The following APLP2 variants were observed in gnomAD, a reference collection of about 807,000 sequenced individuals.
APLP2 encodes the protein amyloid beta precursor like protein 2, also known as CDEI box-binding protein.
Under a neutral mutation model 89.9 loss-of-function variants are expected in APLP2, and 53 were observed. That is an observed-to-expected ratio of 0.59 (90% confidence interval 0.47 to 0.74). The LOEUF (loss-of-function observed/expected upper bound fraction) is 0.74, where lower values mean the gene tolerates loss of function less well. APLP2 is among the 30% of genes least tolerant of loss of function. The pLI is 0.00. For synonymous variants in APLP2, 372 were observed against 348.6 expected, an observed-to-expected ratio of 1.07 and a Z score of -0.75; for missense variants, 973 against 975.9, an observed-to-expected ratio of 1.00 and a Z score of 0.04.
chr11:130,120,895 C>T, intron 4 of APLP2, 77 bp downstream of exon 4: 5 of 1,007,462 alleles, frequency 5.0e-6, no homozygotes, highest in Admixed American at 1.8e-5. Flanking sequence ...CAAATCTCAC[C>T]ATGCTTTTAA....
At chr11:130,106,430 G>T (rs185797872) in intron 1 of APLP2, among the ~76,000 whole-genome samples, 4 of 152,250 alleles carry the variant, frequency 2.6e-5, no homozygotes, top group East Asian at 1.9e-4. Context: ...CCTTTCAGTC[G>T]GTTCTTCACC....
Position 130,144,767 on chromosome 11 carries a change from T to G in APLP2, c.*1319T>G, listed in dbSNP as rs1159945480. 6.6e-6 allele frequency: 1 copy of G among 152,564 alleles called. No homozygotes were observed. The highest frequency in any genetic ancestry group is 1.5e-5 in the Non-Finnish European group (1 of 68,038). The allele number at this position is 152,564 out of a possible 1,614,324, so 9.5% of individuals were successfully genotyped here. A position where few individuals can be genotyped will look rare whatever the true frequency, so the allele number is the denominator to read the frequency against. ...TCCTTAATATGATCTGTGGAGAATG[T>G]ACACAGTTTAAACACATCAATAAAT... is the stretch of plus-strand genomic sequence containing the variant. On this transcript the variant is annotated 3_prime_UTR_variant, in exon 17 of 17. Coordinates refer to ENST00000338167, the MANE Select transcript of APLP2 (RefSeq NM_001142276.2).
At chr11:130,130,827 G>T (rs892789268) in intron 11 of APLP2, among the ~76,000 whole-genome samples, 2 of 152,166 alleles carry the variant, frequency 1.3e-5, no homozygotes, top group Non-Finnish European at 2.9e-5. Context: ...GGGTACATGG[G>T]CTCACTTACT....
At chr11:130,078,165 C>CTTTTTTTTTT (rs780312601) in intron 1 of APLP2, among the ~76,000 whole-genome samples, 2 of 135,288 alleles carry the variant, frequency 1.5e-5, no homozygotes, top group Non-Finnish European at 1.6e-5. Flanking sequence ...GTTTTTCTTT[C>CTTTTTTTTTT]TTTTTTTTTT....
rs1037155709 is a variant in APLP2, at chr11:130,128,963, G to T, written c.1297-85G>T. 2.7e-6 allele frequency: 4 copies of T among 1,471,656 alleles called. No individual in the cohort carries two copies. The African/African-American group carries it at 5.6e-5, about 21-fold the overall frequency. 91.2% of individuals were successfully genotyped at this position (1,471,656 alleles called of 1,614,324 possible). ...TTACTGTCTCGCATGGGCACTGACA[G>T]GAGAAGCACTGGGGTCTCAGGGTGC... On this transcript the variant is annotated intron_variant, in intron 9 of 16. Transcript: ENST00000338167.
intron 7 of APLP2, among the ~76,000 whole-genome samples, chr11:130,124,965 T>G (rs1950206797): frequency 6.6e-6 from 1 of 152,146 alleles, no homozygotes; most frequent in Non-Finnish European, 1.5e-5. Context: ...ACCCGAAGGG[T>G]CAGCTGGGTG....
intron 16 of APLP2, 89 bp from the exon 17 acceptor site, chr11:130,143,258 G>T (rs1372020119): frequency 1.7e-6 from 2 of 1,210,090 alleles, no homozygotes; most frequent in Non-Finnish European, 2.4e-6. Flanking sequence ...GTCCTCAGGG[G>T]ATTGTGCAGC....
At chr11:130,133,344 A>G (rs1374146394) in intron 11 of APLP2, among the ~76,000 whole-genome samples, 4 of 152,114 alleles carry the variant, frequency 2.6e-5, no homozygotes, top group African/African-American at 9.7e-5. Flanking sequence ...GCTGGTCTCA[A>G]ACTCCTTCGC....
chr11:130,107,029 CCTT>C (rs1947880637), intron 1 of APLP2, among the ~76,000 whole-genome samples: 1 of 152,166 alleles, frequency 6.6e-6, no homozygotes, highest in African/African-American at 2.4e-5. Context: ...GTGTTCTTTT[CCTT>C]CTTAAGACAT....
intron 3 of APLP2, among the ~76,000 whole-genome samples, chr11:130,117,377 A>G (rs932492177): frequency 1.3e-5 from 2 of 152,194 alleles, no homozygotes; most frequent in Admixed American, 6.5e-5. Context: ...ACATAATGTG[A>G]TGGTTGCTCA....
chr11:130,097,005 G>A (rs1946295039), intron 1 of APLP2, among the ~76,000 whole-genome samples: 1 of 152,178 alleles, frequency 6.6e-6, no homozygotes, highest in African/African-American at 2.4e-5. Context: ...GTCCAAGACA[G>A]GAAGAATTAT....
chr11:130,111,956 T>C (rs1948636741), intron 3 of APLP2, among the ~76,000 whole-genome samples: 2 of 152,202 alleles, frequency 1.3e-5, no homozygotes. Context: ...TTATCTCCTC[T>C]TGTTTGTCCT....
At chr11:130,125,274 G>A (rs1203048560) in intron 7 of APLP2, among the ~76,000 whole-genome samples, 5 of 152,162 alleles carry the variant, frequency 3.3e-5, no homozygotes, top group African/African-American at 1.2e-4. Flanking sequence ...CAGGGAGGCT[G>A]GAAGCAGCCT....
chr11:130,091,569 G>A (rs1243639868), intron 1 of APLP2, among the ~76,000 whole-genome samples: 6 of 140,594 alleles, frequency 4.3e-5, no homozygotes, highest in East Asian at 2.3e-4. Context: ...CCTCCCGGAC[G>A]GGGCGGCTGG....
At chr11:130,112,191 C>G (rs151338595) in intron 3 of APLP2, among the ~76,000 whole-genome samples, 1 of 152,296 alleles carries the variant, frequency 6.6e-6, no homozygotes, top group African/African-American at 2.4e-5. Flanking sequence ...TCTGATTTTT[C>G]AAGGGAAATG....
chr11:130,128,915 C>A, intron 9 of APLP2, 133 bp from the exon 10 acceptor site: 1 of 925,270 alleles, frequency 1.1e-6, no homozygotes, highest in Non-Finnish European at 1.6e-6. Context: ...TGGATCTTAC[C>A]CTTGCTCCAC....
intron 1 of APLP2, among the ~76,000 whole-genome samples, chr11:130,085,071 G>A (rs1943895392): frequency 1.3e-5 from 2 of 152,152 alleles, no homozygotes; most frequent in African/African-American, 2.4e-5. Context: ...TTCTAAAAAC[G>A]TGCAAACTAC....
chr11:130,092,522 C>G (rs1452171585), intron 1 of APLP2, among the ~76,000 whole-genome samples: 129 of 143,778 alleles, frequency 9.0e-4, no homozygotes, highest in Non-Finnish European at 1.4e-3. Context: ...GGGCTGGAGA[C>G]CGGCCCGGCC....
chr11:130,134,165 C>A (rs1951265359), intron 12 of APLP2, among the ~76,000 whole-genome samples: 1 of 152,124 alleles, frequency 6.6e-6, no homozygotes, highest in Non-Finnish European at 1.5e-5. Context: ...GTAAAATGGT[C>A]CACGAGCAGA....
Sources: gnomAD v4.1 joint callset for allele counts (sites outside exome capture counted in the v4.1 genomes callset) on GRCh38, gnomAD v4.1.1 for gene constraint, MANE v1.5 for transcripts, NCBI Gene and HGNC (gene_info 2026-07-23, HGNC 2026-07-21) for gene names.